The following RPTOR variants were observed in gnomAD, a reference collection of about 807,000 sequenced individuals.
RPTOR encodes the protein regulatory associated protein of MTOR complex 1.
RPTOR carries 21 observed loss-of-function variants against 169.9 expected under a neutral mutation model. The observed-to-expected ratio is 0.12, with a 90% confidence interval of 0.09 to 0.18. The LOEUF (loss-of-function observed/expected upper bound fraction) is 0.18. Among genes scored for constraint, RPTOR ranks in the 10% least tolerant of loss-of-function variants. The pLI, the probability that RPTOR is intolerant of heterozygous loss-of-function variation, is 1.00. For synonymous variants in RPTOR, 732 were observed against 753.2 expected (o/e 0.97, Z 0.46); for missense variants, 1,133 against 1,855.9 (o/e 0.61, Z 7.16).
At chr17:80,634,239 GCGTGCATACTGTA>G (rs1291724597) in intron 2 of RPTOR, among the ~76,000 whole-genome samples, 2 of 140,490 alleles carry the variant, frequency 1.4e-5, no homozygotes. Context: ...TACTGTGTGT[GCGTGCATACTGTA>G]TGCGTGCATA....
rs1181190175 is a variant in RPTOR at position 80,666,186 on chromosome 17, TTA to T, written c.348+22378_348+22379del. Among the ~76,000 whole-genome samples, 5 of 150,328 alleles carry T rather than the reference TTA, an allele frequency of 3.3e-5. No individual in the cohort carries two copies. In the East Asian group the frequency reaches 9.6e-4, roughly 29 times the overall value. On this transcript the variant is annotated intron_variant, in intron 3 of 33. Coordinates refer to ENST00000306801, the MANE Select transcript of RPTOR (RefSeq NM_020761.3). ...TCCAAAGTTGGTTTGCCAAAATAAATTATGTTTATTATCTACTCTTTCTCCTT... is the reference window on the plus strand; with the variant it reads ...TCCAAAGTTGGTTTGCCAAAATAAATTGTTTATTATCTACTCTTTCTCCTT...
chr17:80,702,437 C>T (rs1008231583), intron 3 of RPTOR, among the ~76,000 whole-genome samples: 3 of 152,138 alleles, frequency 2.0e-5, no homozygotes, highest in Non-Finnish European at 4.4e-5. Flanking sequence ...GTAACTCCCC[C>T]GGATGATCAG....
At chr17:80,700,348 C>T (rs913377695) in intron 3 of RPTOR, among the ~76,000 whole-genome samples, 12 of 148,278 alleles carry the variant, frequency 8.1e-5, no homozygotes, top group Non-Finnish European at 1.3e-4. Context: ...TGGGAAGTTA[C>T]TCCAATGATC....
At chr17:80,880,547 A>G in intron 14 of RPTOR, 58 bp downstream of exon 14, 1 of 1,507,040 alleles carries the variant, frequency 6.6e-7, no homozygotes, top group Non-Finnish European at 9.2e-7. Context: ...GCCTCTGCCC[A>G]CACGCTGCAC....
chr17:80,949,603 A>T lies in RPTOR; in HGVS notation c.3370+56A>T, dbSNP rs149622069. 2.3e-5 allele frequency: 33 copies of T among 1,452,002 alleles called. No individual in the cohort carries two copies. The East Asian group carries it at 7.5e-4, about 33-fold the overall frequency. 89.9% of individuals were successfully genotyped at this position (1,452,002 alleles called of 1,614,324 possible). A position where few individuals can be genotyped will look rare whatever the true frequency, so the allele number is the denominator to read the frequency against. ...AATGTGTTCCCGGGGCTGCGGACGC[A>T]CTCGGAATTCCAAGGCCCTTCTGGG... On this transcript the variant is annotated intron_variant, in intron 28 of 33. Transcript: ENST00000306801.
intron 1 of RPTOR, among the ~76,000 whole-genome samples, chr17:80,568,943 G>A (rs146273851): frequency 1.3e-5 from 2 of 152,290 alleles, no homozygotes; most frequent in African/African-American, 2.4e-5. Flanking sequence ...AGGATTACAG[G>A]TGTGAGCTGC....
chr17:80,816,753 T>G (rs1444205982), intron 7 of RPTOR, among the ~76,000 whole-genome samples: 1 of 152,136 alleles, frequency 6.6e-6, no homozygotes, highest in Non-Finnish European at 1.5e-5. Context: ...AGCTTTCGCA[T>G]GGCAGGTAAG....
intron 7 of RPTOR, among the ~76,000 whole-genome samples, chr17:80,812,015 C>T (rs998332719): frequency 5.9e-5 from 9 of 152,052 alleles, no homozygotes; most frequent in East Asian, 1.9e-4. Context: ...ACTGTACCCA[C>T]GGGACACAGC....
intron 6 of RPTOR, among the ~76,000 whole-genome samples, chr17:80,786,305 T>C (rs887070609): frequency 6.6e-6 from 1 of 152,248 alleles, no homozygotes; most frequent in African/African-American, 2.4e-5. Flanking sequence ...TACAAATTTT[T>C]CACTTTTTTA....
rs12946582 is a variant in RPTOR at position 80,827,187 on chromosome 17, C to T, written c.1136+3964C>T. Among the ~76,000 whole-genome samples, 423 of 152,338 alleles carry T rather than the reference C, an allele frequency of 2.8e-3. 1 individual carries two copies. Among genetic ancestry groups the T allele is most frequent in the East Asian group, 8.1e-3 (42 of 5,176 alleles). Reference sequence around the variant, plus strand: ...GACCAGTCATGGCCCTTCTGGTGGACGCGTCTCCCTCTGCTTAGTAATAGG... The same window carrying T: ...GACCAGTCATGGCCCTTCTGGTGGATGCGTCTCCCTCTGCTTAGTAATAGG... On this transcript the variant is annotated intron_variant, in intron 9 of 33. Coordinates refer to ENST00000306801, the MANE Select transcript of RPTOR (RefSeq NM_020761.3).
rs573984385 is a variant in RPTOR, at chr17:80,675,960, G to C, written c.349-31881G>C. On this transcript the variant is annotated intron_variant, in intron 3 of 33. Coordinates refer to ENST00000306801, the MANE Select transcript of RPTOR (RefSeq NM_020761.3). ...AAGAGGTATGATGAAATACTTTTGA[G>C]AGTGTGAATTTCACTAAATCACAAA... Among the ~76,000 whole-genome samples the C allele has an allele frequency of 8.5e-5, 13 of 152,210 alleles. No homozygotes were observed. The East Asian group carries it at 2.5e-3, about 29-fold the overall frequency.
At chr17:80,732,491 CA>C (rs1302182761) in intron 5 of RPTOR, among the ~76,000 whole-genome samples, 2 of 152,114 alleles carry the variant, frequency 1.3e-5, no homozygotes, top group Non-Finnish European at 2.9e-5. Flanking sequence ...AAAAGATTCC[CA>C]TGCATCTTTT....
chr17:80,619,971 G>C (rs2065342806), intron 1 of RPTOR, among the ~76,000 whole-genome samples: 1 of 152,074 alleles, frequency 6.6e-6, no homozygotes, highest in Non-Finnish European at 1.5e-5. Flanking sequence ...CGGGGCACAG[G>C]ATCCTTAGGC....
intron 3 of RPTOR, among the ~76,000 whole-genome samples, chr17:80,702,263 C>A (rs181423411): frequency 6.6e-6 from 1 of 151,998 alleles, no homozygotes; most frequent in East Asian, 1.9e-4. Flanking sequence ...TTCTTTTCTT[C>A]GGTTATTCAT....
At chr17:80,689,731 G>A (rs539813867) in intron 3 of RPTOR, among the ~76,000 whole-genome samples, 3 of 152,140 alleles carry the variant, frequency 2.0e-5, no homozygotes, top group Admixed American at 2.0e-4. Flanking sequence ...AGTGTTTTAC[G>A]CGTATGAAAC....
chr17:80,857,358 G>A (rs1443517541), intron 12 of RPTOR, among the ~76,000 whole-genome samples: 1 of 152,144 alleles, frequency 6.6e-6, no homozygotes, highest in African/African-American at 2.4e-5. Context: ...AGAGGTGGCC[G>A]TGGTGTCACG....
intron 6 of RPTOR, among the ~76,000 whole-genome samples, chr17:80,785,067 C>T (rs1011208109): frequency 6.6e-6 from 1 of 152,168 alleles, no homozygotes; most frequent in Non-Finnish European, 1.5e-5. Flanking sequence ...TATTTAAAAC[C>T]AGACACCTCC....
At chr17:80,611,290 C>T (rs371775566) in intron 1 of RPTOR, among the ~76,000 whole-genome samples, 2 of 152,030 alleles carry the variant, frequency 1.3e-5, no homozygotes, top group African/African-American at 4.8e-5. Context: ...GAGATGGAGT[C>T]GCACTTTGTT....
intron 21 of RPTOR, among the ~76,000 whole-genome samples, chr17:80,912,530 G>A (rs1209031425): frequency 2.6e-5 from 4 of 152,106 alleles, no homozygotes; most frequent in Admixed American, 6.5e-5. Flanking sequence ...TATTAAGTGC[G>A]TTCCTGTGGA....
Sources: gnomAD v4.1 joint callset for allele counts (sites outside exome capture counted in the v4.1 genomes callset) on GRCh38, gnomAD v4.1.1 for gene constraint, MANE v1.5 for transcripts, NCBI Gene and HGNC (gene_info 2026-07-23, HGNC 2026-07-21) for gene names.